Variants in UBE2D2 observed in about 807,000 individuals in gnomAD.
The protein encoded by UBE2D2 is ubiquitin conjugating enzyme E2 D2.
A neutral mutation model predicts 24.2 loss-of-function variants in UBE2D2; 2 were observed. The ratio of observed to expected loss-of-function variants is 0.08; its 90% CI spans 0.03 to 0.26. The LOEUF is 0.26. Among genes scored for constraint, UBE2D2 ranks in the 10% least tolerant of loss-of-function variants. The pLI is 1.00. For synonymous variants in UBE2D2, 58 were observed against 56.5 expected (o/e 1.03, Z -0.12); for missense variants, 44 against 177.6 (o/e 0.25, Z 4.28).
Position 139,627,999 on chromosome 5 carries a change from T to C in UBE2D2, c.*1198T>C, listed in dbSNP as rs1160844472. ...TTCATCAAAACCTTGTGACATTCCCTTGGTACATAGGACATAAAACACAGA... is the reference window on the plus strand; with the variant it reads ...TTCATCAAAACCTTGTGACATTCCCCTGGTACATAGGACATAAAACACAGA... On this transcript the variant is annotated 3_prime_UTR_variant, in exon 7 of 7. Coordinates refer to ENST00000398733, the MANE Select transcript of UBE2D2 (RefSeq NM_003339.3). The C allele has an allele frequency of 1.3e-5, 2 of 152,656 alleles. No individual in the cohort carries two copies. The highest frequency in any genetic ancestry group is 4.8e-5 in the African/African-American group (2 of 41,460). The allele number at this position is 152,656 out of a possible 1,614,324, so 9.5% of individuals were successfully genotyped here.
intron 1 of UBE2D2, among the ~76,000 whole-genome samples, chr5:139,599,298 G>A (rs1009293392): frequency 6.6e-6 from 1 of 151,950 alleles, no homozygotes; most frequent in African/African-American, 2.4e-5. Flanking sequence ...TCCACTGAAA[G>A]CATATCAACT....
At position 139,613,240 on chromosome 5, in the gene UBE2D2, G is replaced by A. The variant is rs372800310; in HGVS notation, c.89-1346G>A. On this transcript the variant is annotated intron_variant, in intron 2 of 6. Transcript: ENST00000398733. ...AGGTTGGAAGGAACTTTAGGATTTG[G>A]ACTGACATTCTGGTGGATTTTTATA... Among the ~76,000 whole-genome samples, 14 of 152,266 alleles carry A rather than the reference G, an allele frequency of 9.2e-5. No individual in the cohort carries two copies. The East Asian group carries it at 1.5e-3, about 17-fold the overall frequency.
chr5:139,533,572 C>T (rs1205370445), intron 1 of UBE2D2, among the ~76,000 whole-genome samples: 5 of 151,334 alleles, frequency 3.3e-5, no homozygotes, highest in African/African-American at 1.2e-4. Context: ...ATCGCTTGAA[C>T]CAGGGAGGAG....
intron 1 of UBE2D2, among the ~76,000 whole-genome samples, chr5:139,552,163 C>CT (rs374137107): frequency 0.062 from 8,839 of 142,608 alleles, 307 homozygotes; most frequent in South Asian, 0.11. Flanking sequence ...TAATAGCTAA[C>CT]TTTTTTTTTT....
chr5:139,544,588 C>A (rs1435789114), intron 1 of UBE2D2, among the ~76,000 whole-genome samples: 5 of 151,410 alleles, frequency 3.3e-5, no homozygotes, highest in African/African-American at 1.2e-4. Context: ...CTGCGCCCTG[C>A]CAAGCTACTG....
intron 1 of UBE2D2, among the ~76,000 whole-genome samples, chr5:139,589,064 T>C (rs1458532294): frequency 6.6e-6 from 1 of 152,280 alleles, no homozygotes; most frequent in South Asian, 2.1e-4. Flanking sequence ...GTGCTGACAT[T>C]ACAGGCATGA....
At chr5:139,586,536 C>T (rs1369603276) in intron 1 of UBE2D2, among the ~76,000 whole-genome samples, 4 of 152,038 alleles carry the variant, frequency 2.6e-5, no homozygotes, top group South Asian at 2.1e-4. Flanking sequence ...GAGGCCGAGG[C>T]GGGCGGATCA....
At chr5:139,598,950 C>G (rs1314335010) in intron 1 of UBE2D2, among the ~76,000 whole-genome samples, 1 of 65,390 alleles carries the variant, frequency 1.5e-5, no homozygotes, top group African/African-American at 6.7e-5. Context: ...TTTTTTGAGA[C>G]AAAGTCTCGT....
chr5:139,614,170 A>G (rs1181774348), intron 2 of UBE2D2, among the ~76,000 whole-genome samples: 3 of 152,214 alleles, frequency 2.0e-5, no homozygotes, highest in Non-Finnish European at 4.4e-5. Flanking sequence ...AGCCTTGTCA[A>G]GAAGTTTGTC....
In UBE2D2 at chr5:139,590,782, C is replaced by CTTTTTTTTTTTTTTTTTTT. The variant is rs57962602; in HGVS notation, c.25-9578_25-9560dup. Among the ~76,000 whole-genome samples the CTTTTTTTTTTTTTTTTTTT allele has an allele frequency of 2.1e-4, 8 of 38,422 alleles. 1 individual carries two copies. Among genetic ancestry groups the CTTTTTTTTTTTTTTTTTTT allele is most frequent in the Non-Finnish European group, 3.1e-4 (6 of 19,474 alleles). The allele number at this position is 38,422 out of a possible 152,430, so 25.2% of individuals were successfully genotyped here. ...TTCATGGTGGGTATTTTCTCTTCTT[C>CTTTTTTTTTTTTTTTTTTT]TTTTTTTTTTTTTTTTTTTTTTTTT... On this transcript the variant is annotated intron_variant, in intron 1 of 6. Coordinates refer to ENST00000398733, the MANE Select transcript of UBE2D2 (RefSeq NM_003339.3).
rs973508342 is a variant in UBE2D2, at chr5:139,573,813, C to CA, written c.24+12006dup. Among the ~76,000 whole-genome samples, 113 of 151,574 alleles carry CA rather than the reference C, an allele frequency of 7.5e-4. No homozygotes were observed. In the Middle Eastern group the frequency reaches 0.024, roughly 32 times the overall value. On this transcript the variant is annotated intron_variant, in intron 1 of 6. Coordinates refer to ENST00000398733, the MANE Select transcript of UBE2D2 (RefSeq NM_003339.3). ...GGAAACCCCATCTCCACTAAAAATA[C>CA]AAAAAAAATTAGCCAGGTGTGGTGG... is the stretch of plus-strand genomic sequence containing the variant.
intron 1 of UBE2D2, among the ~76,000 whole-genome samples, chr5:139,541,681 G>A (rs151145696): frequency 3.9e-4 from 59 of 151,778 alleles, no homozygotes; most frequent in African/African-American, 1.4e-3. Context: ...GCTGAGGTGG[G>A]AGGATCATTT....
chr5:139,563,398 A>G (rs1014603883), intron 1 of UBE2D2, among the ~76,000 whole-genome samples: 23 of 152,346 alleles, frequency 1.5e-4, no homozygotes, highest in Non-Finnish European at 2.9e-4. Context: ...GTTAAATACC[A>G]TAAAGAAGCT....
intron 5 of UBE2D2, among the ~76,000 whole-genome samples, chr5:139,622,635 A>G (rs918607413): frequency 2.0e-5 from 3 of 150,262 alleles, no homozygotes; most frequent in African/African-American, 7.3e-5. Context: ...CACGCCTGTA[A>G]TCCCAGCACT....
At chr5:139,573,218 C>T (rs1424274720) in intron 1 of UBE2D2, among the ~76,000 whole-genome samples, 2 of 150,598 alleles carry the variant, frequency 1.3e-5, no homozygotes, top group African/African-American at 2.4e-5. Context: ...AGGACAATGG[C>T]GTGAACCTGG....
chr5:139,619,409 AAGT>A (rs1318942055), intron 5 of UBE2D2, among the ~76,000 whole-genome samples: 10 of 151,578 alleles, frequency 6.6e-5, no homozygotes, highest in Admixed American at 6.6e-4. Context: ...AAAAAAAAAA[AAGT>A]AATACTGATG....
chr5:139,537,940 G>A (rs1340100175), intron 1 of UBE2D2, among the ~76,000 whole-genome samples: 1 of 150,146 alleles, frequency 6.7e-6, no homozygotes, highest in Non-Finnish European at 1.5e-5. Context: ...CTCCATCCTG[G>A]GCAACAGAGC....
rs1754651501 is a variant in UBE2D2, at chr5:139,627,207, A to C, written c.*406A>C. The C allele has an allele frequency of 6.3e-6, 1 of 158,342 alleles. No individual in the cohort carries two copies. The highest frequency in any genetic ancestry group is 1.4e-5 in the Non-Finnish European group (1 of 72,060). The allele number at this position is 158,342 out of a possible 1,614,324, so 9.8% of individuals were successfully genotyped here. The stretch of plus-strand genomic sequence containing the variant: ...TTTTAAGTGGAATCCATTTAAACTC[A>C]AAACAGTTATGAAAAGCAAGGTGAA... On this transcript the variant is annotated 3_prime_UTR_variant, in exon 7 of 7. Transcript: ENST00000398733.
At chr5:139,594,750 A>G (rs1431270748) in intron 1 of UBE2D2, among the ~76,000 whole-genome samples, 2 of 152,134 alleles carry the variant, frequency 1.3e-5, no homozygotes, top group East Asian at 3.9e-4. Flanking sequence ...TTCTACTTTA[A>G]CTGTCAAAGT....
Sources: allele counts gnomAD v4.1 joint callset (sites outside exome capture counted in the v4.1 genomes callset), GRCh38; gene constraint gnomAD v4.1.1; transcripts MANE v1.5; gene names NCBI Gene and HGNC (gene_info 2026-07-23, HGNC 2026-07-21).